The following ALG13 variants were observed in gnomAD, a reference collection of about 807,000 sequenced individuals.
ALG13 encodes UDP-N-acetylglucosamine transferase subunit ALG13.
In ALG13, 11 loss-of-function variants were observed where a neutral mutation model predicts 87.8. That is an observed-to-expected ratio of 0.13 (90% CI 0.08 to 0.21). The LOEUF is 0.21. Ranked by LOEUF, ALG13 falls within the 10% of genes least tolerant of loss-of-function variation. The probability of loss-of-function intolerance (pLI) is 1.00; values close to 1 mark genes in which losing one functional copy is unlikely to be tolerated. For missense variants in ALG13, 756 were observed against 866.1 expected (o/e 0.87, Z 1.60); for synonymous variants, 320 against 306.3 (o/e 1.04, Z -0.47).
chrX:111,726,520 C>T (rs1305060620), intron 15 of ALG13, among the ~76,000 whole-genome samples: 4 of 111,267 alleles, frequency 3.6e-5, no homozygotes. Flanking sequence ...GCGTGAGCCA[C>T]CGTGCCTGGC....
intron 24 of ALG13, among the ~76,000 whole-genome samples, chrX:111,748,722 A>G: frequency 9.0e-6 from 1 of 110,698 alleles, no homozygotes; most frequent in Non-Finnish European, 1.9e-5. Context: ...GTGCCTTTTG[A>G]TGGGTAGAGG....
intron 23 of ALG13, among the ~76,000 whole-genome samples, chrX:111,743,250 A>T (rs1943922033): frequency 9.0e-6 from 1 of 111,508 alleles, no homozygotes; most frequent in African/African-American, 3.3e-5. Flanking sequence ...GTTTAAAAGG[A>T]ATAAGAGCAG....
At chrX:111,757,859 T>C in intron 26 of ALG13, 97 bp downstream of exon 26, 2 of 820,879 alleles carry the variant, frequency 2.4e-6, no homozygotes, top group Non-Finnish European at 3.4e-6. Flanking sequence ...GTCCATGTAC[T>C]ACACCAGTGA....
At chrX:111,690,453 T>A in intron 3 of ALG13, 1 of 688,831 alleles carries the variant, frequency 1.5e-6, no homozygotes, top group South Asian at 7.5e-5. Flanking sequence ...TTTTAGATAC[T>A]TATAATTTGG....
In ALG13 at chrX:111,744,921, A is replaced by G. The variant is rs760993782; in HGVS notation, c.2932+17A>G. On this transcript the variant is annotated intron_variant, in intron 24 of 26. Coordinates refer to ENST00000394780, the MANE Select transcript of ALG13 (RefSeq NM_001099922.3). ...TGCCTCAAGGTAAGTAGATTTTGAG[A>G]CTTAGGTGAGGGATCTGAGACTTAA... The G allele has an allele frequency of 6.9e-6, 8 of 1,155,679 alleles. No homozygotes were observed. The Admixed American group carries it at 1.8e-4, about 26-fold the overall frequency.
At chrX:111,740,439 A>G (rs1943644617) in intron 23 of ALG13, among the ~76,000 whole-genome samples, 1 of 111,139 alleles carries the variant, frequency 9.0e-6, no homozygotes. Context: ...TTATCTTTAA[A>G]TATATATATA....
intron 3 of ALG13, chrX:111,688,859 T>G: frequency 1.3e-6 from 1 of 753,042 alleles, no homozygotes; most frequent in South Asian, 6.7e-5. Context: ...TCTTTCTGAT[T>G]AGAGTGTGTG....
chrX:111,743,073 C>A (rs1485384697), intron 23 of ALG13, among the ~76,000 whole-genome samples: 1 of 111,606 alleles, frequency 9.0e-6, no homozygotes, highest in Non-Finnish European at 1.9e-5. Context: ...AAGTAACCTC[C>A]AAATTGTGTC....
chrX:111,718,565 T>C (rs985084270), intron 10 of ALG13, among the ~76,000 whole-genome samples: 1 of 111,721 alleles, frequency 9.0e-6, no homozygotes, highest in African/African-American at 3.3e-5. Context: ...ATAGTGCTTG[T>C]TAGAAAGGCA....
intron 21 of ALG13, among the ~76,000 whole-genome samples, chrX:111,733,590 G>A (rs1376182479): frequency 8.9e-6 from 1 of 111,772 alleles, no homozygotes; most frequent in Non-Finnish European, 1.9e-5. Flanking sequence ...AAACTCTGCT[G>A]CTATAAACAT....
intron 8 of ALG13, among the ~76,000 whole-genome samples, chrX:111,717,604 T>C (rs1398075240): frequency 9.3e-6 from 1 of 107,435 alleles, no homozygotes; most frequent in East Asian, 2.9e-4. Flanking sequence ...TTAATGTGAT[T>C]GAGGCTCACA....
chrX:111,745,144 T>G (rs1198281258), intron 24 of ALG13, among the ~76,000 whole-genome samples: 1 of 111,472 alleles, frequency 9.0e-6, no homozygotes, highest in Admixed American at 9.6e-5. Context: ...TTGTTTTGTT[T>G]TGTTTTGGTA....
intron 8 of ALG13, chrX:111,714,437 G>A (rs942696226): frequency 3.6e-5 from 4 of 110,242 alleles, no homozygotes; most frequent in Non-Finnish European, 7.6e-5. Context: ...ATGAAGAGCA[G>A]TCTATTCAGA....
In ALG13 at chrX:111,757,525, TATTAC is replaced by T. The variant is rs758487294; in HGVS notation, c.2974-58_2974-54del. Reference sequence around the variant, plus strand: ...TTTTTTTTTTGTCTGTGGGGAACTGTATTACATTAAGAATAGAGAAGAGTGAAGTT... The same window carrying T: ...TTTTTTTTTTGTCTGTGGGGAACTGTATTAAGAATAGAGAAGAGTGAAGTT... On this transcript the variant is annotated intron_variant, in intron 25 of 26. Coordinates refer to ENST00000394780, the MANE Select transcript of ALG13 (RefSeq NM_001099922.3). 19 of 851,235 alleles carry T rather than the reference TATTAC, an allele frequency of 2.2e-5. No homozygotes were observed. The African/African-American group carries it at 2.8e-4, about 12-fold the overall frequency. The allele number at this position is 851,235 out of a possible 1,213,427, so 70.2% of individuals were successfully genotyped here.
chrX:111,719,783 A>G (rs1378538092), intron 10 of ALG13, among the ~76,000 whole-genome samples: 3 of 111,847 alleles, frequency 2.7e-5, no homozygotes, highest in African/African-American at 9.8e-5. Flanking sequence ...AGTGGTGAAT[A>G]TGGCTGTTTG....
At chrX:111,700,226 G>A (rs1937592111) in intron 3 of ALG13, among the ~76,000 whole-genome samples, 1 of 109,930 alleles carries the variant, frequency 9.1e-6, no homozygotes, top group South Asian at 3.9e-4. Context: ...TGTTGATTTT[G>A]TATCCTTCAA....
rs181847244 is a variant in ALG13, at chrX:111,717,732, T to C, written c.1006-114T>C. The C allele has an allele frequency of 3.3e-4, 155 of 465,892 alleles. 1 individual carries two copies. The East Asian group carries it at 6.1e-3, about 18-fold the overall frequency. The allele number at this position is 465,892 out of a possible 1,213,427, so 38.4% of individuals were successfully genotyped here. A position where few individuals can be genotyped will look rare whatever the true frequency, so the allele number is the denominator to read the frequency against. ...ATTTTAAAAATCACTTTAAAAAAATTCAGTTAGTTATCAGTTACTGACTAC... is the reference window on the plus strand; with the variant it reads ...ATTTTAAAAATCACTTTAAAAAAATCCAGTTAGTTATCAGTTACTGACTAC... On this transcript the variant is annotated intron_variant, in intron 8 of 26. Coordinates refer to ENST00000394780, the MANE Select transcript of ALG13 (RefSeq NM_001099922.3).
chrX:111,756,098 G>A (rs1945226394), intron 25 of ALG13, among the ~76,000 whole-genome samples: 1 of 112,096 alleles, frequency 8.9e-6, no homozygotes. Context: ...AAAAGAATGA[G>A]TTCATGTCCT....
intron 3 of ALG13, among the ~76,000 whole-genome samples, chrX:111,704,954 A>G (rs73544216): frequency 0.055 from 6,114 of 111,902 alleles, 404 homozygotes; most frequent in African/African-American, 0.19. Context: ...TATTCCAGAA[A>G]GATTCTTTGT....
Sources: gnomAD v4.1 joint callset for allele counts (sites outside exome capture counted in the v4.1 genomes callset) on GRCh38, gnomAD v4.1.1 for gene constraint, MANE v1.5 for transcripts, NCBI Gene and HGNC (gene_info 2026-07-23, HGNC 2026-07-21) for gene names.